LUZP2: variants seen among roughly 807,000 people sequenced by gnomAD.
The protein encoded by LUZP2 is leucine zipper protein 2.
In LUZP2, 52 loss-of-function variants were observed where a neutral mutation model predicts 51.6. The ratio of observed to expected loss-of-function variants is 1.01; its 90% CI spans 0.81 to 1.27. LUZP2 has a LOEUF of 1.27. Ranked by LOEUF, LUZP2 falls within the 50% of genes most tolerant of loss-of-function variation. LUZP2 has a pLI of 0.00. For synonymous variants in LUZP2, 154 were observed against 137.3 expected (o/e 1.12, Z -0.85); for missense variants, 436 against 395.4 (o/e 1.10, Z -0.87).
At chr11:24,546,951 TTGTTGTTGTTGTTGGTGG>T (rs773060670) in intron 1 of LUZP2, among the ~76,000 whole-genome samples, 2,045 of 85,338 alleles carry the variant, frequency 0.024, 35 homozygotes, top group South Asian at 0.11. Flanking sequence ...TTTGTTGTTG[TTGTTGTTGTTGTTGGTGG>T]TGGTGGTGGT....
At chr11:24,509,479 CAT>C (rs1382957390) in intron 1 of LUZP2, among the ~76,000 whole-genome samples, 1 of 148,030 alleles carries the variant, frequency 6.8e-6, no homozygotes, top group African/African-American at 2.5e-5. Flanking sequence ...TAGTATATAT[CAT>C]GTAGTATATA....
chr11:24,993,601 C>G (rs894733550), intron 9 of LUZP2, among the ~76,000 whole-genome samples: 1 of 152,040 alleles, frequency 6.6e-6, no homozygotes, highest in African/African-American at 2.4e-5. Flanking sequence ...TACCATTATG[C>G]GATGCCTTTT....
At chr11:24,556,869 C>T (rs534713890) in intron 1 of LUZP2, among the ~76,000 whole-genome samples, 1 of 152,216 alleles carries the variant, frequency 6.6e-6, no homozygotes, top group South Asian at 2.1e-4. Context: ...CACATAGGCT[C>T]TTTGGCCATA....
chr11:24,570,190 C>T (rs375432879), intron 1 of LUZP2, among the ~76,000 whole-genome samples: 75 of 151,882 alleles, frequency 4.9e-4, no homozygotes, highest in South Asian at 1.2e-3. Context: ...GAATCATAGA[C>T]GAGAAGACGG....
chr11:24,855,429 G>T (rs201645515), intron 5 of LUZP2, among the ~76,000 whole-genome samples: 3 of 152,104 alleles, frequency 2.0e-5, no homozygotes, highest in African/African-American at 7.2e-5. Flanking sequence ...AAATATCTCC[G>T]TAAGGAAACT....
intron 7 of LUZP2, among the ~76,000 whole-genome samples, chr11:24,963,595 C>T (rs560061173): frequency 7.2e-5 from 9 of 125,696 alleles, no homozygotes; most frequent in South Asian, 2.6e-4. Flanking sequence ...TCTCCTGGTG[C>T]GCCGTTTTTT....
At chr11:24,517,457 G>A (rs1339363141) in intron 1 of LUZP2, among the ~76,000 whole-genome samples, 7 of 119,622 alleles carry the variant, frequency 5.9e-5, no homozygotes, top group African/African-American at 1.9e-4. Context: ...CTGCACTCCA[G>A]CCTGGGTGAC....
intron 5 of LUZP2, among the ~76,000 whole-genome samples, chr11:24,834,635 G>C (rs1217481214): frequency 1.3e-5 from 2 of 152,294 alleles, no homozygotes; most frequent in African/African-American, 2.4e-5. Flanking sequence ...GGGTCAAATG[G>C]TATTTCTGGT....
intron 6 of LUZP2, among the ~76,000 whole-genome samples, chr11:24,907,272 A>C (rs11028267): frequency 6.8e-6 from 1 of 146,750 alleles, no homozygotes; most frequent in Non-Finnish European, 1.5e-5. Flanking sequence ...CTCCTTGAAA[A>C]ACAAGAAAAA....
chr11:24,824,393 A>AAAAAAAAAAAAAAAAAAG (rs1590597274), intron 5 of LUZP2, among the ~76,000 whole-genome samples: 1 of 143,668 alleles, frequency 7.0e-6, no homozygotes, highest in Non-Finnish European at 1.5e-5. Context: ...AAAAAAAAAA[A>AAAAAAAAAAAAAAAAAAG]TGAGTGGTAC....
chr11:25,036,510 G>T (rs1240044955), intron 9 of LUZP2, among the ~76,000 whole-genome samples: 8 of 144,352 alleles, frequency 5.5e-5, no homozygotes, highest in Non-Finnish European at 1.5e-5. Context: ...TATTCTGCTA[G>T]CTTTGGGGTT....
Position 24,960,163 on chromosome 11 carries a change from T to C in LUZP2, c.523-16428T>C, listed in dbSNP as rs533912111. ...TGGATTCGGTTTGCCAGTATTTTAT[T>C]GAGGATTTTTGCATCAATGTTCATC... On this transcript the variant is annotated intron_variant, in intron 7 of 11. Coordinates refer to ENST00000336930, the MANE Select transcript of LUZP2 (RefSeq NM_001009909.4). Among the ~76,000 whole-genome samples, 7 of 152,298 alleles carry C rather than the reference T, an allele frequency of 4.6e-5. No individual in the cohort carries two copies. The South Asian group carries it at 1.0e-3, about 23-fold the overall frequency.
intron 5 of LUZP2, among the ~76,000 whole-genome samples, chr11:24,789,984 C>A (rs1849364347): frequency 6.6e-6 from 1 of 152,198 alleles, no homozygotes; most frequent in Non-Finnish European, 1.5e-5. Context: ...TCAACTTATG[C>A]TGAATGAGTT....
chr11:24,667,285 G>A (rs1013467373), intron 1 of LUZP2, among the ~76,000 whole-genome samples: 12 of 149,254 alleles, frequency 8.0e-5, no homozygotes, highest in African/African-American at 2.7e-4. Context: ...CCGGATTGAA[G>A]CGATTCTCCT....
intron 9 of LUZP2, among the ~76,000 whole-genome samples, chr11:25,001,685 A>T (rs1020144173): frequency 6.6e-6 from 1 of 152,074 alleles, no homozygotes; most frequent in Non-Finnish European, 1.5e-5. Context: ...TTTACTGCTT[A>T]TATCTCTCTT....
At chr11:24,506,311 C>G (rs1021252264) in intron 1 of LUZP2, among the ~76,000 whole-genome samples, 5 of 151,844 alleles carry the variant, frequency 3.3e-5, no homozygotes, top group Non-Finnish European at 5.9e-5. Context: ...TTATTTCTGG[C>G]CTTTGAAGTA....
At chr11:24,626,280 A>G (rs575753358) in intron 1 of LUZP2, among the ~76,000 whole-genome samples, 36 of 152,246 alleles carry the variant, frequency 2.4e-4, no homozygotes, top group African/African-American at 7.7e-4. Flanking sequence ...AAGAGCCTAT[A>G]TTGTCTCAAT....
intron 5 of LUZP2, among the ~76,000 whole-genome samples, chr11:24,858,511 T>C (rs1851636591): frequency 6.6e-6 from 1 of 152,176 alleles, no homozygotes; most frequent in Non-Finnish European, 1.5e-5. Context: ...AAATGGAATG[T>C]AAAATAATGT....
chr11:24,711,855 CACAA>C (rs1426309199), intron 1 of LUZP2, among the ~76,000 whole-genome samples: 2 of 152,044 alleles, frequency 1.3e-5, no homozygotes, highest in Non-Finnish European at 2.9e-5. Context: ...CATAAACAAA[CACAA>C]ACACATATGT....
Sources: gnomAD v4.1 joint callset for allele counts (sites outside exome capture counted in the v4.1 genomes callset) on GRCh38, gnomAD v4.1.1 for gene constraint, MANE v1.5 for transcripts, NCBI Gene and HGNC (gene_info 2026-07-23, HGNC 2026-07-21) for gene names.